The following MTUS2 variants were observed in gnomAD, a reference collection of about 807,000 sequenced individuals.
The protein encoded by MTUS2 is microtubule associated scaffold protein 2, also known as microtubule-associated tumor suppressor candidate 2.
Under a neutral mutation model 114.1 loss-of-function variants are expected in MTUS2, and 40 were observed. That is an observed-to-expected ratio of 0.35 (90% confidence interval 0.27 to 0.46). MTUS2 has a LOEUF of 0.46. Ranked by LOEUF, MTUS2 falls within the 20% of genes least tolerant of loss-of-function variation. MTUS2 has a pLI of 1.00. For synonymous variants in MTUS2, 688 were observed against 672.0 expected (o/e 1.02, Z -0.37); for missense variants, 1,679 against 1,705.4 (o/e 0.98, Z 0.27).
At chr13:29,213,847 C>G (rs1445086938) in intron 5 of MTUS2, among the ~76,000 whole-genome samples, 4 of 152,016 alleles carry the variant, frequency 2.6e-5, no homozygotes, top group African/African-American at 9.7e-5. Flanking sequence ...TACCATCTTG[C>G]TATATTTTCT....
chr13:29,121,615 C>A (rs966608274), intron 5 of MTUS2, among the ~76,000 whole-genome samples: 1 of 151,404 alleles, frequency 6.6e-6, no homozygotes, highest in African/African-American at 2.4e-5. Context: ...GGCCTAAGTT[C>A]AAATCCCTGC....
chr13:28,917,698 ATTGTG>A (rs1483577527), intron 2 of MTUS2, among the ~76,000 whole-genome samples: 1 of 150,854 alleles, frequency 6.6e-6, no homozygotes, highest in African/African-American at 2.4e-5. Context: ...GTTCTTTTGT[ATTGTG>A]TTCTCCATTT....
intron 5 of MTUS2, among the ~76,000 whole-genome samples, chr13:29,128,077 C>T (rs998084254): frequency 6.6e-6 from 1 of 152,038 alleles, no homozygotes; most frequent in Non-Finnish European, 1.5e-5. Flanking sequence ...TTTGAGACAT[C>T]AAAGAAGGCA....
chr13:29,074,710 G>A (rs2138703636), intron 4 of MTUS2, among the ~76,000 whole-genome samples: 1 of 152,210 alleles, frequency 6.6e-6, no homozygotes, highest in African/African-American at 2.4e-5. Flanking sequence ...GTTGAGAGGG[G>A]CTGATCTTGT....
intron 4 of MTUS2, among the ~76,000 whole-genome samples, chr13:29,059,228 A>ATTTTTTTTTTTTTTT (rs35369352): frequency 1.5e-4 from 15 of 97,136 alleles, no homozygotes; most frequent in Middle Eastern, 7.7e-3. Context: ...TATTCTTTGG[A>ATTTTTTTTTTTTTTT]TTTTTTTTTT....
intron 9 of MTUS2, among the ~76,000 whole-genome samples, chr13:29,474,872 A>G (rs1487847056): frequency 6.6e-6 from 1 of 152,108 alleles, no homozygotes; most frequent in East Asian, 1.9e-4. Context: ...TTATTCATTT[A>G]TATGTGTTCT....
intron 4 of MTUS2, among the ~76,000 whole-genome samples, chr13:29,076,633 T>A (rs1889205351): frequency 6.6e-6 from 1 of 152,206 alleles, no homozygotes; most frequent in Non-Finnish European, 1.5e-5. Context: ...TGGACGGGGC[T>A]GCTTAAATGT....
chr13:29,399,742 T>C (rs1020678408), intron 8 of MTUS2, among the ~76,000 whole-genome samples: 1 of 152,130 alleles, frequency 6.6e-6, no homozygotes, highest in Non-Finnish European at 1.5e-5. Flanking sequence ...GAAGAGGCAT[T>C]ATTAAAAACA....
intron 3 of MTUS2, among the ~76,000 whole-genome samples, chr13:29,032,309 C>A (rs943154352): frequency 2.6e-5 from 4 of 152,020 alleles, no homozygotes; most frequent in African/African-American, 7.2e-5. Context: ...AATTTTAATC[C>A]CTAAAAACAA....
rs190552049 is a variant in MTUS2, at chr13:29,218,921, G to A, written c.2645-62783G>A. ...TTCACAAAGGTAAATGAACATTGGC[G>A]TTAACTTAAAGTTTCCAATTGCATT... On this transcript the variant is annotated intron_variant, in intron 5 of 15. Coordinates refer to ENST00000612955, the MANE Select transcript of MTUS2 (RefSeq NM_001033602.4). Among the ~76,000 whole-genome samples the A allele has an allele frequency of 9.5e-3, 1,432 of 150,682 alleles. 19 individuals are homozygous for A. The highest frequency in any genetic ancestry group is 0.033 in the African/African-American group (1,361 of 41,056).
At chr13:29,353,986 C>A (rs985239360) in intron 7 of MTUS2, among the ~76,000 whole-genome samples, 2 of 152,156 alleles carry the variant, frequency 1.3e-5, no homozygotes, top group African/African-American at 4.8e-5. Flanking sequence ...GAGCTCAATC[C>A]TCTGTGGTAT....
At chr13:29,351,082 A>C (rs1404317927) in intron 7 of MTUS2, among the ~76,000 whole-genome samples, 1 of 151,708 alleles carries the variant, frequency 6.6e-6, no homozygotes, top group African/African-American at 2.4e-5. Context: ...CACAGGTGGA[A>C]GTGGATTTCA....
intron 9 of MTUS2, among the ~76,000 whole-genome samples, chr13:29,460,731 C>CA (rs1262377027): frequency 3.3e-5 from 5 of 152,156 alleles, no homozygotes; most frequent in African/African-American, 1.2e-4. Flanking sequence ...CAGATGCAGA[C>CA]ACACAAGGCC....
intron 4 of MTUS2, among the ~76,000 whole-genome samples, chr13:29,048,513 C>A (rs1201120340): frequency 6.6e-6 from 1 of 152,176 alleles, no homozygotes; most frequent in Non-Finnish European, 1.5e-5. Context: ...CACTCTCTTG[C>A]CCGTCACTGC....
chr13:29,424,964 G>C (rs114121719), intron 8 of MTUS2, among the ~76,000 whole-genome samples: 1,788 of 152,048 alleles, frequency 0.012, 43 homozygotes, highest in African/African-American at 0.04. Context: ...TTAGAAACCA[G>C]CAAAATTTTT....
chr13:28,942,397 C>G (rs1025904878), intron 2 of MTUS2, among the ~76,000 whole-genome samples: 4 of 152,272 alleles, frequency 2.6e-5, no homozygotes, highest in African/African-American at 7.2e-5. Flanking sequence ...TATTTGTACA[C>G]CAGTTTGTAA....
chr13:29,006,442 A>G (rs1010109890), intron 2 of MTUS2, among the ~76,000 whole-genome samples: 16 of 152,214 alleles, frequency 1.1e-4, no homozygotes, highest in African/African-American at 3.9e-4. Context: ...TGTGTTATAT[A>G]CATTTTTTCC....
chr13:29,197,847 A>G (rs1894767763), intron 5 of MTUS2, among the ~76,000 whole-genome samples: 1 of 152,234 alleles, frequency 6.6e-6, no homozygotes, highest in South Asian at 2.1e-4. Context: ...TGTTGGCTGC[A>G]TAAGTGTCTT....
At chr13:28,827,156 T>A (rs1246851158) in intron 1 of MTUS2, among the ~76,000 whole-genome samples, 1 of 152,222 alleles carries the variant, frequency 6.6e-6, no homozygotes, top group South Asian at 2.1e-4. Flanking sequence ...AGAATTGAAA[T>A]CATGTAGCAG....
Sources: gnomAD v4.1 joint callset for allele counts (sites outside exome capture counted in the v4.1 genomes callset) on GRCh38, gnomAD v4.1.1 for gene constraint, MANE v1.5 for transcripts, NCBI Gene and HGNC (gene_info 2026-07-23, HGNC 2026-07-21) for gene names.